PIBF1: variants seen among roughly 807,000 people sequenced by gnomAD.
PIBF1 encodes the protein progesterone-induced-blocking factor 1.
Under a neutral mutation model 112.5 loss-of-function variants are expected in PIBF1, and 90 were observed. That is an observed-to-expected ratio of 0.80 (90% CI 0.67 to 0.95). The LOEUF is 0.95. Ranked by LOEUF, PIBF1 falls within the 40% of genes least tolerant of loss-of-function variation. The pLI, the probability that PIBF1 is intolerant of heterozygous loss-of-function variation, is 0.00. For synonymous variants in PIBF1, 301 were observed against 288.6 expected (o/e 1.04, Z -0.44); for missense variants, 915 against 852.3 (o/e 1.07, Z -0.92).
chr13:72,929,658 T>C (rs1337371250), intron 13 of PIBF1, among the ~76,000 whole-genome samples: 1 of 152,008 alleles, frequency 6.6e-6, no homozygotes, highest in African/African-American at 2.4e-5. Context: ...ATCAGTAAAA[T>C]TGTATGTCAG....
At chr13:72,878,855 G>A (rs1213360089) in intron 10 of PIBF1, among the ~76,000 whole-genome samples, 3 of 152,150 alleles carry the variant, frequency 2.0e-5, no homozygotes, top group African/African-American at 7.2e-5. Context: ...CCTTTATCAT[G>A]TAGTGCCCCT....
chr13:72,824,415 T>G (rs926986913), intron 6 of PIBF1, among the ~76,000 whole-genome samples: 1 of 152,164 alleles, frequency 6.6e-6, no homozygotes, highest in Non-Finnish European at 1.5e-5. Flanking sequence ...CAATAAATAT[T>G]GGCAATAATG....
At chr13:72,916,353 T>C (rs978305287) in intron 12 of PIBF1, among the ~76,000 whole-genome samples, 1 of 151,358 alleles carries the variant, frequency 6.6e-6, no homozygotes, top group African/African-American at 2.4e-5. Flanking sequence ...GATCACGCCA[T>C]TACACTCCAG....
chr13:72,843,821 A>G (rs1252909544), intron 9 of PIBF1, among the ~76,000 whole-genome samples: 2 of 151,966 alleles, frequency 1.3e-5, no homozygotes, highest in African/African-American at 2.4e-5. Flanking sequence ...CCCAGATTTC[A>G]CTCCACTTAG....
At chr13:72,914,452 A>T (rs946026174) in intron 12 of PIBF1, among the ~76,000 whole-genome samples, 3 of 151,942 alleles carry the variant, frequency 2.0e-5, no homozygotes, top group African/African-American at 7.2e-5. Flanking sequence ...TATAACCTTC[A>T]CTAGGCATTT....
chr13:72,836,673 A>T (rs1003778072), intron 9 of PIBF1, among the ~76,000 whole-genome samples: 4 of 152,084 alleles, frequency 2.6e-5, no homozygotes, highest in African/African-American at 9.7e-5. Context: ...TTTTATTCTC[A>T]GGTTTCTTTG....
chr13:73,013,698 C>G (rs1594371762), intron 17 of PIBF1, among the ~76,000 whole-genome samples: 1 of 144,536 alleles, frequency 6.9e-6, no homozygotes, highest in Admixed American at 7.2e-5. Flanking sequence ...GATCATACCA[C>G]TCCAGCCTGG....
chr13:72,992,453 G>T (rs1467069979), intron 16 of PIBF1, among the ~76,000 whole-genome samples: 2 of 152,120 alleles, frequency 1.3e-5, no homozygotes, highest in Non-Finnish European at 2.9e-5. Flanking sequence ...CTTCCTTTCT[G>T]CCTGAGAACC....
At chr13:72,858,695 T>C (rs930777097) in intron 10 of PIBF1, among the ~76,000 whole-genome samples, 4 of 152,200 alleles carry the variant, frequency 2.6e-5, no homozygotes, top group Non-Finnish European at 4.4e-5. Flanking sequence ...AAACTTACAA[T>C]GTGTTTTTTT....
chr13:72,966,118 G>A (rs2042732049), intron 15 of PIBF1, among the ~76,000 whole-genome samples: 1 of 152,116 alleles, frequency 6.6e-6, no homozygotes, highest in Non-Finnish European at 1.5e-5. Context: ...GATTATCAAT[G>A]TAAAAGCAGA....
intron 14 of PIBF1, among the ~76,000 whole-genome samples, chr13:72,937,433 A>G (rs939783203): frequency 3.3e-5 from 5 of 152,098 alleles, no homozygotes; most frequent in African/African-American, 1.2e-4. Context: ...GTATTCTTCT[A>G]TTTGTTCCCC....
chr13:72,985,018 G>A (rs561823215), intron 16 of PIBF1, among the ~76,000 whole-genome samples: 18 of 151,844 alleles, frequency 1.2e-4, no homozygotes, highest in South Asian at 6.3e-4. Context: ...ATATGTTTTC[G>A]GTTAAATTAA....
intron 16 of PIBF1, among the ~76,000 whole-genome samples, chr13:72,995,664 A>G (rs771975103): frequency 3.3e-5 from 5 of 152,200 alleles, no homozygotes; most frequent in Non-Finnish European, 7.4e-5. Flanking sequence ...TTTGAAAAAG[A>G]AAAGAGGCTG....
rs575826319 is a variant in PIBF1, at chr13:72,840,524, CTT to C, written c.1223+5174_1223+5175del. Among the ~76,000 whole-genome samples the C allele has an allele frequency of 5.5e-3, 743 of 136,062 alleles. 8 individuals carry two copies. Among genetic ancestry groups the C allele is most frequent in the African/African-American group, 0.018 (651 of 36,916 alleles). The allele number at this position is 136,062 out of a possible 152,430, so 89.3% of individuals were successfully genotyped here. ...GTCTCCTTATCTCTCCCCCAATAAA[CTT>C]TTTTTTTTTTTTTTTTTGACGGAGT... is the stretch of plus-strand genomic sequence containing the variant. On this transcript the variant is annotated intron_variant, in intron 9 of 17. Transcript: ENST00000326291.
chr13:72,918,232 C>T (rs1484221442), intron 13 of PIBF1, among the ~76,000 whole-genome samples: 2 of 152,108 alleles, frequency 1.3e-5, no homozygotes, highest in Non-Finnish European at 2.9e-5. Flanking sequence ...CCTCTCTACC[C>T]AAAGTGCAGT....
intron 14 of PIBF1, among the ~76,000 whole-genome samples, chr13:72,948,765 T>G (rs1488658315): frequency 6.6e-6 from 1 of 152,150 alleles, no homozygotes; most frequent in African/African-American, 2.4e-5. Flanking sequence ...GCAAACAACA[T>G]GTCTTTCTTC....
chr13:72,876,891 A>G (rs1042009730), intron 10 of PIBF1, among the ~76,000 whole-genome samples: 1 of 152,092 alleles, frequency 6.6e-6, no homozygotes, highest in African/African-American at 2.4e-5. Context: ...CTTCCTTCCC[A>G]ATCTATATAC....
chr13:73,001,207 AT>A (rs2043855139), intron 17 of PIBF1, among the ~76,000 whole-genome samples: 1 of 152,166 alleles, frequency 6.6e-6, no homozygotes, highest in African/African-American at 2.4e-5. Context: ...CTAGCATGCT[AT>A]GATTCTCTTC....
intron 14 of PIBF1, among the ~76,000 whole-genome samples, chr13:72,938,042 A>C (rs540643650): frequency 6.6e-6 from 1 of 152,186 alleles, no homozygotes; most frequent in South Asian, 2.1e-4. Context: ...ATATAGCAAA[A>C]AGTTGCTATT....
Sources: allele counts gnomAD v4.1 joint callset (sites outside exome capture counted in the v4.1 genomes callset), GRCh38; gene constraint gnomAD v4.1.1; transcripts MANE v1.5; gene names NCBI Gene and HGNC (gene_info 2026-07-23, HGNC 2026-07-21).